SPAG16: variants seen among roughly 807,000 people sequenced by gnomAD.
The protein encoded by SPAG16 is sperm associated antigen 16.
Under a neutral mutation model 80.4 loss-of-function variants are expected in SPAG16, and 86 were observed. That is an observed-to-expected ratio of 1.07 (90% CI 0.90 to 1.28). The LOEUF (loss-of-function observed/expected upper bound fraction) is 1.28, where lower values mean the gene tolerates loss of function less well. Ranked by LOEUF, SPAG16 falls within the 50% of genes most tolerant of loss-of-function variation. The pLI is 0.00. For synonymous variants in SPAG16, 294 were observed against 265.9 expected (o/e 1.11, Z -1.03); for missense variants, 870 against 765.3 (o/e 1.14, Z -1.61).
intron 11 of SPAG16, among the ~76,000 whole-genome samples, chr2:213,923,010 C>G (rs2078294794): frequency 6.6e-6 from 1 of 152,156 alleles, no homozygotes; most frequent in Admixed American, 6.5e-5. Flanking sequence ...GGGTTGGAAG[C>G]TCTAGCAGGT....
At chr2:214,169,927 G>A (rs965939306) in intron 15 of SPAG16, among the ~76,000 whole-genome samples, 2 of 152,000 alleles carry the variant, frequency 1.3e-5, no homozygotes, top group South Asian at 2.1e-4. Context: ...TTGGAGGCCT[G>A]CCCACTCAGT....
At chr2:214,049,163 T>C (rs1437678173) in intron 13 of SPAG16, among the ~76,000 whole-genome samples, 2 of 152,220 alleles carry the variant, frequency 1.3e-5, no homozygotes. Context: ...TCAAAGAGTT[T>C]AGACATTTTC....
intron 10 of SPAG16, among the ~76,000 whole-genome samples, chr2:213,755,787 C>T (rs1386691197): frequency 1.3e-5 from 2 of 152,052 alleles, no homozygotes; most frequent in African/African-American, 4.8e-5. Context: ...AAGATATACC[C>T]AAGAGCACTG....
chr2:213,869,265 A>AAAAAAAAAAAAATAGATAGATATATACG (rs1491244962), intron 11 of SPAG16, among the ~76,000 whole-genome samples: 1 of 24,806 alleles, frequency 4.0e-5, no homozygotes, highest in Non-Finnish European at 2.8e-4. Flanking sequence ...AAAAAAAAAA[A>AAAAAAAAAAAAATAGATAGATATATACG]TATATATATA....
At chr2:213,882,760 T>A (rs991687857) in intron 11 of SPAG16, among the ~76,000 whole-genome samples, 5 of 152,222 alleles carry the variant, frequency 3.3e-5, no homozygotes, top group African/African-American at 1.2e-4. Flanking sequence ...GTTTCATTGG[T>A]CTTTTGTTTG....
intron 14 of SPAG16, among the ~76,000 whole-genome samples, chr2:214,128,202 T>A (rs2054592050): frequency 6.6e-6 from 1 of 151,868 alleles, no homozygotes; most frequent in African/African-American, 2.4e-5. Flanking sequence ...CCTCTCAAGT[T>A]ATAATCATTT....
chr2:213,997,809 A>C (rs973221232), intron 12 of SPAG16, among the ~76,000 whole-genome samples: 2 of 152,168 alleles, frequency 1.3e-5, no homozygotes, highest in African/African-American at 4.8e-5. Context: ...CCACATTCAG[A>C]GTCATTCTGG....
chr2:213,893,888 A>T (rs2076888980), intron 11 of SPAG16, among the ~76,000 whole-genome samples: 1 of 152,166 alleles, frequency 6.6e-6, no homozygotes, highest in South Asian at 2.1e-4. Context: ...TGGCAGTAGT[A>T]AGTCCTTATT....
chr2:214,330,562 A>C (rs963166885), intron 15 of SPAG16, among the ~76,000 whole-genome samples: 1 of 152,220 alleles, frequency 6.6e-6, no homozygotes, highest in Admixed American at 6.5e-5. Flanking sequence ...ATGCAGTGGC[A>C]ACAGAAGCTC....
intron 14 of SPAG16, among the ~76,000 whole-genome samples, chr2:214,112,410 G>T (rs574649638): frequency 6.6e-6 from 1 of 152,198 alleles, no homozygotes; most frequent in South Asian, 2.1e-4. Flanking sequence ...TGACAGTGGG[G>T]TGTTAAAGTC....
chr2:214,006,085 A>G (rs2047013404), intron 12 of SPAG16, among the ~76,000 whole-genome samples: 1 of 152,194 alleles, frequency 6.6e-6, no homozygotes, highest in Non-Finnish European at 1.5e-5. Flanking sequence ...GAATTCTAGT[A>G]TTCCCTTTGA....
chr2:213,848,412 T>C (rs1559518793), intron 10 of SPAG16, among the ~76,000 whole-genome samples: 2 of 152,222 alleles, frequency 1.3e-5, no homozygotes, highest in African/African-American at 4.8e-5. Context: ...TTCAGGTCTG[T>C]TGCTTGGTTT....
chr2:213,754,008 G>A (rs891027928), intron 10 of SPAG16, among the ~76,000 whole-genome samples: 3 of 152,194 alleles, frequency 2.0e-5, no homozygotes, highest in African/African-American at 4.8e-5. Context: ...TGGACACAGA[G>A]ATATCTTGAG....
At chr2:214,266,102 C>T (rs1307516567) in intron 15 of SPAG16, among the ~76,000 whole-genome samples, 1 of 151,884 alleles carries the variant, frequency 6.6e-6, no homozygotes, top group Non-Finnish European at 1.5e-5. Flanking sequence ...ATGCATTTAA[C>T]AAAACTCACA....
At chr2:214,287,040 T>C (rs1016105615) in intron 15 of SPAG16, among the ~76,000 whole-genome samples, 2 of 152,224 alleles carry the variant, frequency 1.3e-5, no homozygotes, top group South Asian at 4.1e-4. Flanking sequence ...AGGTATTTTA[T>C]TTACATATTT....
At chr2:214,183,822 G>A (rs566050526) in intron 15 of SPAG16, among the ~76,000 whole-genome samples, 3 of 152,048 alleles carry the variant, frequency 2.0e-5, no homozygotes, top group Admixed American at 1.3e-4. Context: ...AGGCTTCACC[G>A]AAGCCTCCGT....
intron 10 of SPAG16, among the ~76,000 whole-genome samples, chr2:213,815,748 A>T (rs1424990873): frequency 6.6e-6 from 1 of 152,108 alleles, no homozygotes; most frequent in Non-Finnish European, 1.5e-5. Flanking sequence ...AATGTTTTTT[A>T]AAATATTAGA....
At chr2:213,829,448 G>T (rs550317630) in intron 10 of SPAG16, among the ~76,000 whole-genome samples, 1 of 152,084 alleles carries the variant, frequency 6.6e-6, no homozygotes. Flanking sequence ...AAGAGTCAAG[G>T]CCTGAAATTA....
chr2:213,884,447 AC>A (rs1164492669), intron 11 of SPAG16, among the ~76,000 whole-genome samples: 1 of 151,920 alleles, frequency 6.6e-6, no homozygotes, highest in Non-Finnish European at 1.5e-5. Flanking sequence ...TTTTTCATTG[AC>A]CTTGATGAAC....
Sources: allele counts gnomAD v4.1 joint callset (sites outside exome capture counted in the v4.1 genomes callset), GRCh38; gene constraint gnomAD v4.1.1; transcripts MANE v1.5; gene names NCBI Gene and HGNC (gene_info 2026-07-23, HGNC 2026-07-21).